Variants in ANKRD36C observed in about 807,000 individuals in gnomAD.
ANKRD36C encodes ankyrin repeat domain 36C, also known as ankyrin repeat domain-containing protein 36C.
ANKRD36C carries 61 observed loss-of-function variants against 276.4 expected under a neutral mutation model. That is an observed-to-expected ratio of 0.22 (90% CI 0.18 to 0.27). The LOEUF (loss-of-function observed/expected upper bound fraction) is 0.27. Ranked by LOEUF, ANKRD36C falls within the 10% of genes least tolerant of loss-of-function variation. The probability of loss-of-function intolerance (pLI) is 1.00; values close to 1 mark genes in which losing one functional copy is unlikely to be tolerated. For missense variants in ANKRD36C, 1,447 were observed against 2,032.3 expected (o/e 0.71, Z 5.54); for synonymous variants, 483 against 680.1 (o/e 0.71, Z 4.51).
At chr2:95,855,144 A>T (rs372427990) in intron 63 of ANKRD36C, 122 bp downstream of exon 83, 5 of 1,348,996 alleles carry the variant, frequency 3.7e-6, no homozygotes, top group Non-Finnish European at 3.9e-6. Context: ...TTCTAAGCAG[A>T]TATATTTATC....
intron 12 of ANKRD36C, among the ~76,000 whole-genome samples, chr2:95,957,738 A>T (rs1678364239): frequency 6.6e-6 from 1 of 152,260 alleles, no homozygotes; most frequent in African/African-American, 2.4e-5. Flanking sequence ...AAAGAATTTA[A>T]CATTATTTTT....
At chr2:95,942,978 C>T (rs1195169434) in intron 19 of ANKRD36C, among the ~76,000 whole-genome samples, 1 of 152,416 alleles carries the variant, frequency 6.6e-6, no homozygotes, top group Admixed American at 6.5e-5. Context: ...TCTTTCCTTA[C>T]GATTCTATAA....
intron 34 of ANKRD36C, among the ~76,000 whole-genome samples, chr2:95,918,371 G>C (rs1249446717): frequency 6.6e-6 from 1 of 151,660 alleles, no homozygotes; most frequent in Non-Finnish European, 1.5e-5. Context: ...TCATACATGT[G>C]AGAATCAATG....
In ANKRD36C at chr2:95,867,433, G is replaced by T. The variant is rs1240750609; in HGVS notation, c.3682+7C>A. ...TAAAAAGCCTTATATTTATGCATTG[G>T]TCCTACCTTTACACTTCATTTCATG... On this transcript the variant is annotated splice_region_variant and intron_variant, in intron 60 of 66. Coordinates refer to ENST00000456556, the Ensembl canonical transcript of ANKRD36C. 8.0e-7 allele frequency: 1 copy of T among 1,242,666 alleles called. No individual in the cohort carries two copies. Among genetic ancestry groups the T allele is most frequent in the South Asian group, 1.5e-5 (1 of 66,860 alleles). The allele number at this position is 1,242,666 out of a possible 1,614,324, so 77.0% of individuals were successfully genotyped here. A position where few individuals can be genotyped will look rare whatever the true frequency, so the allele number is the denominator to read the frequency against.
At chr2:95,981,869 A>C (rs1678930186) in intron 4 of ANKRD36C, among the ~76,000 whole-genome samples, 2 of 152,162 alleles carry the variant, frequency 1.3e-5, no homozygotes, top group African/African-American at 4.8e-5. Context: ...AAAACACAGT[A>C]GAAATGAAAA....
At chr2:95,871,320 G>C (rs1319135722) in intron 59 of ANKRD36C, among the ~76,000 whole-genome samples, 1 of 152,088 alleles carries the variant, frequency 6.6e-6, no homozygotes, top group Non-Finnish European at 1.5e-5. Flanking sequence ...TGGATCTCTC[G>C]GCAGAAACTC....
At position 95,916,235 on chromosome 2, in the gene ANKRD36C, A is replaced by T. The variant is rs557185677; in HGVS notation, c.2348-64T>A. Reference sequence around the variant, plus strand: ...ATATGATAAAGTTATCCATACATTCACACAGTGTTAGCATCAACCTCTGAA... The same window carrying T: ...ATATGATAAAGTTATCCATACATTCTCACAGTGTTAGCATCAACCTCTGAA... On this transcript the variant is annotated intron_variant, in intron 36 of 66. Transcript: ENST00000456556. The T allele has an allele frequency of 1.3e-4, 202 of 1,593,396 alleles. No homozygotes were observed. The African/African-American group carries it at 2.2e-3, about 17-fold the overall frequency.
At chr2:95,926,821 A>T (rs1677414808) in intron 28 of ANKRD36C, among the ~76,000 whole-genome samples, 2 of 151,600 alleles carry the variant, frequency 1.3e-5, no homozygotes, top group African/African-American at 2.4e-5. Flanking sequence ...CTCGTTCTAC[A>T]GTGTTTATGG....
In ANKRD36C at chr2:95,871,163, C is replaced by G. The variant is rs988476705; in HGVS notation, c.3541-3582G>C. Among the ~76,000 whole-genome samples the G allele has an allele frequency of 5.5e-3, 833 of 152,160 alleles. 6 individuals are homozygous for G. The highest frequency in any genetic ancestry group is 0.019 in the African/African-American group (779 of 41,498). On this transcript the variant is annotated intron_variant, in intron 59 of 66. Coordinates refer to ENST00000456556, the Ensembl canonical transcript of ANKRD36C. The stretch of plus-strand genomic sequence containing the variant: ...AACATTCAGATTCAGGAAATACAGA[C>G]AACGCCACAAAAATACCCCTTGAGA...
chr2:95,893,520 T>C lies in ANKRD36C; in HGVS notation c.2756-1660A>G. On this transcript the variant is annotated intron_variant, in intron 44 of 66. Coordinates refer to ENST00000456556, the Ensembl canonical transcript of ANKRD36C. ...TGGACTGAACATGACATTAAATCTG[T>C]TTTCAAAATTACCTGTTCTAGATTT... 1 of 1,541,106 alleles carries C rather than the reference T, an allele frequency of 6.5e-7. No homozygotes were observed. The highest frequency in any genetic ancestry group is 8.7e-7 in the Non-Finnish European group (1 of 1,143,294).
At chr2:95,987,065 G>C (rs1330099863) in intron 2 of ANKRD36C, 27 bp downstream of exon 2, 1 of 1,376,022 alleles carries the variant, frequency 7.3e-7, no homozygotes, top group Non-Finnish European at 9.7e-7. Flanking sequence ...TCCATCTCAT[G>C]CTCAAAAAGA....
In ANKRD36C at chr2:95,892,606, A is replaced by C. The variant is rs140691629; in HGVS notation, c.2756-746T>G. On this transcript the variant is annotated intron_variant, in intron 44 of 66. Coordinates refer to ENST00000456556, the Ensembl canonical transcript of ANKRD36C. ...TATACAAAGTAAAGCTGCTACAAGC[A>C]TTAGATATTGACCAGTTATTCATTC... is the stretch of plus-strand genomic sequence containing the variant. Among the ~76,000 whole-genome samples the C allele has an allele frequency of 3.0e-4, 45 of 151,712 alleles. No individual in the cohort carries two copies. The East Asian group carries it at 7.6e-3, about 26-fold the overall frequency.
intron 1 of ANKRD36C, 82 bp downstream of exon 1, chr2:95,991,430 C>T: frequency 5.4e-6 from 8 of 1,489,062 alleles, no homozygotes; most frequent in Non-Finnish European, 7.2e-6. Context: ...GACCATCCGC[C>T]CCGCAGCCCT....
chr2:95,947,066 T>A lies in ANKRD36C; in HGVS notation c.1362+1464A>T, dbSNP rs1475616452. ...AAATAAAAAAATAAAAAAAGAGTAA[T>A]GTATGTCCTGAAAAATATGTATTTA... On this transcript the variant is annotated intron_variant, in intron 17 of 66. Transcript: ENST00000456556. Among the ~76,000 whole-genome samples, 3 of 152,046 alleles carry A rather than the reference T, an allele frequency of 2.0e-5. No individual in the cohort carries two copies. The South Asian group carries it at 6.2e-4, about 32-fold the overall frequency.
intron 32 of ANKRD36C, among the ~76,000 whole-genome samples, chr2:95,922,556 G>A (rs937416550): frequency 6.6e-6 from 1 of 151,496 alleles, no homozygotes; most frequent in Non-Finnish European, 1.5e-5. Flanking sequence ...ACTGCTAAAA[G>A]CATTGGATAT....
At chr2:95,852,851 TAC>T (rs1675324460) in intron 64 of ANKRD36C, 1 of 152,372 alleles carries the variant, frequency 6.6e-6, no homozygotes, top group Non-Finnish European at 1.5e-5. Flanking sequence ...AATAAGATCC[TAC>T]AGGATATTAT....
intron 6 of ANKRD36C, among the ~76,000 whole-genome samples, chr2:95,970,069 A>T (rs1678668813): frequency 2.0e-5 from 3 of 152,142 alleles, no homozygotes; most frequent in Admixed American, 2.0e-4. Flanking sequence ...CCACCTCTTC[A>T]GTTTAAACTA....
chr2:95,942,016 T>G (rs1677906432), intron 19 of ANKRD36C, among the ~76,000 whole-genome samples: 2 of 152,288 alleles, frequency 1.3e-5, no homozygotes, highest in South Asian at 4.1e-4. Flanking sequence ...TTTACTAAAA[T>G]TGGGACGCCA....
intron 1 of ANKRD36C, among the ~76,000 whole-genome samples, chr2:95,990,021 T>G (rs1296961489): frequency 1.3e-5 from 2 of 152,198 alleles, no homozygotes; most frequent in African/African-American, 4.8e-5. Context: ...GTCTTTTAAT[T>G]TTTTCTTATA....
Sources: gnomAD v4.1 joint callset for allele counts (sites outside exome capture counted in the v4.1 genomes callset) on GRCh38, gnomAD v4.1.1 for gene constraint, MANE v1.5 for transcripts, NCBI Gene and HGNC (gene_info 2026-07-23, HGNC 2026-07-21) for gene names.